GTF2H1: variants seen among roughly 807,000 people sequenced by gnomAD.
The protein encoded by GTF2H1 is general transcription factor IIH subunit 1.
In GTF2H1, 16 loss-of-function variants were observed where a neutral mutation model predicts 71.2. The ratio of observed to expected loss-of-function variants is 0.22; its 90% confidence interval spans 0.15 to 0.34. The LOEUF (loss-of-function observed/expected upper bound fraction) is 0.34, where lower values mean the gene tolerates loss of function less well. Ranked by LOEUF, GTF2H1 falls within the 10% of genes least tolerant of loss-of-function variation. GTF2H1 has a pLI of 1.00. For missense variants in GTF2H1, 498 were observed against 648.2 expected, an observed-to-expected ratio of 0.77 and a Z score of 2.52; for synonymous variants, 215 against 219.0, an observed-to-expected ratio of 0.98 and a Z score of 0.16.
chr11:18,334,108 G>A (rs1013054204), intron 2 of GTF2H1, among the ~76,000 whole-genome samples: 8 of 152,112 alleles, frequency 5.3e-5, no homozygotes, highest in Admixed American at 6.5e-5. Flanking sequence ...GGCCGGGCGC[G>A]GTGGCTCACG....
At chr11:18,355,649 G>T (rs1226441672) in intron 11 of GTF2H1, among the ~76,000 whole-genome samples, 1 of 151,810 alleles carries the variant, frequency 6.6e-6, no homozygotes, top group African/African-American at 2.4e-5. Context: ...AAGTAGCTGG[G>T]ACTCCAGGCA....
intron 14 of GTF2H1, 97 bp downstream of exon 14, chr11:18,360,804 TTTC>T: frequency 1.4e-6 from 1 of 692,774 alleles, no homozygotes; most frequent in South Asian, 1.7e-5. Context: ...GATACTTAAT[TTTC>T]TTTTTTTTTT....
chr11:18,331,935 C>T (rs1158632365), intron 1 of GTF2H1, among the ~76,000 whole-genome samples: 1 of 152,160 alleles, frequency 6.6e-6, no homozygotes, highest in East Asian at 1.9e-4. Context: ...TTATAGCTCA[C>T]TGCCGCCTCA....
intron 5 of GTF2H1, among the ~76,000 whole-genome samples, chr11:18,340,839 G>C (rs1263984816): frequency 6.6e-6 from 1 of 152,132 alleles, no homozygotes; most frequent in Non-Finnish European, 1.5e-5. Flanking sequence ...CAATGCTGTT[G>C]AACTCTATGC....
intron 1 of GTF2H1, among the ~76,000 whole-genome samples, chr11:18,328,711 G>T (rs1187179605): frequency 6.6e-6 from 1 of 150,424 alleles, no homozygotes; most frequent in African/African-American, 2.4e-5. Flanking sequence ...CTGTAGTCCC[G>T]GCTACTCTGG....
intron 7 of GTF2H1, among the ~76,000 whole-genome samples, chr11:18,342,253 T>TG (rs1491371487): frequency 1.3e-4 from 1 of 7,736 alleles, no homozygotes; most frequent in Non-Finnish European, 3.8e-4. Context: ...TTTCTGTCTC[T>TG]TTTTTTTTTT....
At chr11:18,327,748 C>T (rs924205630) in intron 1 of GTF2H1, among the ~76,000 whole-genome samples, 1 of 152,166 alleles carries the variant, frequency 6.6e-6, no homozygotes, top group African/African-American at 2.4e-5. Flanking sequence ...ACCACCAGGC[C>T]CAGCTAATTT....
At chr11:18,340,404 C>T (rs892187594) in intron 5 of GTF2H1, among the ~76,000 whole-genome samples, 7 of 152,110 alleles carry the variant, frequency 4.6e-5, no homozygotes, top group African/African-American at 1.7e-4. Context: ...TCTACTGCCT[C>T]CGCCTCCCAA....
At chr11:18,354,362 T>C (rs1249259532) in intron 11 of GTF2H1, among the ~76,000 whole-genome samples, 1 of 152,246 alleles carries the variant, frequency 6.6e-6, no homozygotes, top group Non-Finnish European at 1.5e-5. Context: ...AATTAATACA[T>C]ATCTTGTGGA....
At chr11:18,357,583 A>G (rs1298216922) in intron 11 of GTF2H1, among the ~76,000 whole-genome samples, 1 of 152,206 alleles carries the variant, frequency 6.6e-6, no homozygotes, top group South Asian at 2.1e-4. Context: ...AACAAAGGAT[A>G]CAGGTTAACA....
intron 1 of GTF2H1, chr11:18,325,957 G>A (rs912139117): frequency 2.0e-5 from 3 of 152,116 alleles, no homozygotes; most frequent in Non-Finnish European, 4.4e-5. Flanking sequence ...AGTTCTCCTG[G>A]GAAGAAGTGT....
chr11:18,334,311 C>T (rs1412364547), intron 2 of GTF2H1, among the ~76,000 whole-genome samples: 1 of 152,118 alleles, frequency 6.6e-6, no homozygotes, highest in Non-Finnish European at 1.5e-5. Context: ...ACTCAAGAGG[C>T]GGAGCTTGCA....
chr11:18,358,547 A>T lies in GTF2H1; in HGVS notation c.1374A>T (p.Gln458His), dbSNP rs138965123. 4 of 1,608,316 alleles carry T rather than the reference A, an allele frequency of 2.5e-6. No homozygotes were observed. The highest frequency in any genetic ancestry group is 1.7e-4 in the Middle Eastern group (1 of 6,054). The change falls in exon 13 of 15, where the codon CAA becomes CAT. Residue 458 changes from glutamine (Q) to histidine (H), a missense_variant. Gln to His is a conservative substitution (Grantham distance 24, BLOSUM62 0). Coordinates refer to ENST00000265963, the MANE Select transcript of GTF2H1 (RefSeq NM_005316.4). The part of the protein sequence containing the change: ...AINQMVPNDI[Q>H]SELKHLYVAV... ...CAGAGATGGTGCCAAATGATATTCAATCTGAATTGAAACACTTATATGTAG... is the reference window on the plus strand; with the variant it reads ...CAGAGATGGTGCCAAATGATATTCATTCTGAATTGAAACACTTATATGTAG...
chr11:18,340,744 G>A (rs1204202281), intron 5 of GTF2H1, among the ~76,000 whole-genome samples: 1 of 152,198 alleles, frequency 6.6e-6, no homozygotes, highest in African/African-American at 2.4e-5. Context: ...GAGGAAACCA[G>A]GGTGCAGAAA....
intron 1 of GTF2H1, among the ~76,000 whole-genome samples, chr11:18,328,267 T>C (rs552496159): frequency 2.0e-5 from 3 of 150,460 alleles, no homozygotes; most frequent in Non-Finnish European, 4.4e-5. Context: ...TCCCAGCACT[T>C]TGGGAGGCCG....
At chr11:18,331,814 C>T (rs1476989241) in intron 1 of GTF2H1, among the ~76,000 whole-genome samples, 1 of 151,942 alleles carries the variant, frequency 6.6e-6, no homozygotes, top group African/African-American at 2.4e-5. Flanking sequence ...AATAGAAGTT[C>T]TCAATTATTT....
intron 9 of GTF2H1, among the ~76,000 whole-genome samples, chr11:18,351,239 T>C (rs1464531398): frequency 6.8e-6 from 1 of 146,954 alleles, no homozygotes; most frequent in East Asian, 1.9e-4. Context: ...AAAAAAAAAT[T>C]TTTTAAGCCA....
chr11:18,350,388 C>T (rs1274727490), intron 9 of GTF2H1, among the ~76,000 whole-genome samples: 2 of 151,572 alleles, frequency 1.3e-5, no homozygotes, highest in African/African-American at 4.9e-5. Flanking sequence ...ATCATGAAGA[C>T]ATCAGTAATC....
chr11:18,335,211 C>T (rs1864995652), intron 2 of GTF2H1, among the ~76,000 whole-genome samples: 1 of 152,176 alleles, frequency 6.6e-6, no homozygotes, highest in African/African-American at 2.4e-5. Flanking sequence ...ACTTCCTGTT[C>T]CATCACCTCA....
Sources: allele counts gnomAD v4.1 joint callset (sites outside exome capture counted in the v4.1 genomes callset), GRCh38; gene constraint gnomAD v4.1.1; transcripts MANE v1.5; gene names NCBI Gene and HGNC (gene_info 2026-07-23, HGNC 2026-07-21).